The following APOOL variants were observed in gnomAD, a reference collection of about 807,000 sequenced individuals.
APOOL encodes the protein MICOS complex subunit MIC27.
Under a neutral mutation model 23.1 loss-of-function variants are expected in APOOL, and 12 were observed. The ratio of observed to expected loss-of-function variants is 0.52; its 90% CI spans 0.33 to 0.84. APOOL has a LOEUF of 0.84. Among genes scored for constraint, APOOL ranks in the 40% least tolerant of loss-of-function variants. The pLI is 0.02. For missense variants in APOOL, 212 were observed against 199.6 expected, an observed-to-expected ratio of 1.06 and a Z score of -0.37; for synonymous variants, 77 against 69.9, an observed-to-expected ratio of 1.10 and a Z score of -0.51.
chrX:85,085,644 A>G (rs1924263929), intron 8 of APOOL, among the ~76,000 whole-genome samples: 2 of 112,445 alleles, frequency 1.8e-5, no homozygotes, highest in African/African-American at 6.4e-5. Context: ...TGGTTCCCAA[A>G]TGTAATAAAA....
At chrX:85,050,250 A>AT (rs1185684699) in intron 2 of APOOL, among the ~76,000 whole-genome samples, 1 of 111,243 alleles carries the variant, frequency 9.0e-6, no homozygotes, top group Non-Finnish European at 1.9e-5. Context: ...TGTTTTATTT[A>AT]TTTTTTAACT....
At chrX:85,039,679 C>T (rs1349403359) in intron 1 of APOOL, among the ~76,000 whole-genome samples, 2 of 111,078 alleles carry the variant, frequency 1.8e-5, no homozygotes, top group African/African-American at 6.5e-5. Flanking sequence ...CTTTTTTGAT[C>T]ATTGGTTTAA....
intron 1 of APOOL, among the ~76,000 whole-genome samples, chrX:85,026,188 C>T (rs1417444328): frequency 4.4e-5 from 5 of 113,512 alleles, no homozygotes; most frequent in Non-Finnish European, 9.4e-5. Context: ...TTGCATTCTC[C>T]AGAGTGGTAG....
At chrX:85,052,261 T>C (rs1922807322) in intron 3 of APOOL, among the ~76,000 whole-genome samples, 1 of 112,227 alleles carries the variant, frequency 8.9e-6, no homozygotes, top group Non-Finnish European at 1.9e-5. Context: ...CGTTAGCTCA[T>C]AAGACCATTC....
chrX:85,059,175 G>A (rs1923091316), intron 5 of APOOL, among the ~76,000 whole-genome samples: 1 of 108,921 alleles, frequency 9.2e-6, no homozygotes, highest in Non-Finnish European at 1.9e-5. Context: ...ACGGTTTCCA[G>A]TTTCATCCAT....
chrX:85,057,504 CAT>C (rs1175711672), intron 5 of APOOL, among the ~76,000 whole-genome samples: 1 of 104,287 alleles, frequency 9.6e-6, no homozygotes, highest in Non-Finnish European at 1.9e-5. Context: ...AGATATATAA[CAT>C]ATATATAATA....
chrX:85,060,445 A>G (rs2147653048), intron 5 of APOOL, among the ~76,000 whole-genome samples: 1 of 106,756 alleles, frequency 9.4e-6, no homozygotes, highest in African/African-American at 3.4e-5. Context: ...TGGGGATGGC[A>G]TTGAATCTAT....
chrX:85,087,759 G>A lies in APOOL; in HGVS notation c.*81G>A. 2 of 845,801 alleles carry A rather than the reference G, an allele frequency of 2.4e-6. No individual in the cohort carries two copies. Among genetic ancestry groups the A allele is most frequent in the Non-Finnish European group, 3.3e-6 (2 of 607,138 alleles). 69.7% of individuals were successfully genotyped at this position (845,801 alleles called of 1,213,427 possible). ...TAATGATGAAAATAAATCATGTAAT[G>A]GGTAACTGATACATAGAGTATTACC... On this transcript the variant is annotated 3_prime_UTR_variant, in exon 9 of 9. Coordinates refer to ENST00000373173, the MANE Select transcript of APOOL (RefSeq NM_198450.6).
chrX:85,079,882 G>A (rs1275706167), intron 8 of APOOL, among the ~76,000 whole-genome samples: 1 of 111,754 alleles, frequency 8.9e-6, no homozygotes, highest in Non-Finnish European at 1.9e-5. Context: ...TTGCGTAGAG[G>A]TGTTCATAGT....
intron 2 of APOOL, among the ~76,000 whole-genome samples, chrX:85,047,935 A>G (rs766223118): frequency 8.9e-6 from 1 of 111,753 alleles, no homozygotes; most frequent in Non-Finnish European, 1.9e-5. Context: ...ATGTACTACC[A>G]TCAAATAAAT....
chrX:85,064,314 G>GT (rs1364299901), intron 5 of APOOL, among the ~76,000 whole-genome samples: 2 of 86,332 alleles, frequency 2.3e-5, no homozygotes, highest in African/African-American at 4.3e-5. Context: ...GTTGTTTTTT[G>GT]TTTTTTTCAA....
intron 8 of APOOL, among the ~76,000 whole-genome samples, chrX:85,076,866 C>A (rs1923852492): frequency 9.3e-6 from 1 of 107,299 alleles, no homozygotes; most frequent in African/African-American, 3.4e-5. Flanking sequence ...CTTCAAGAAT[C>A]TGATGAAAGC....
At chrX:85,059,345 C>A (rs903076729) in intron 5 of APOOL, among the ~76,000 whole-genome samples, 4 of 109,682 alleles carry the variant, frequency 3.6e-5, no homozygotes, top group African/African-American at 1.3e-4. Flanking sequence ...CATACGTGTG[C>A]ATGTGTCTTT....
At chrX:85,055,990 T>C in intron 5 of APOOL, 65 bp downstream of exon 5, 1 of 832,711 alleles carries the variant, frequency 1.2e-6, no homozygotes, top group Non-Finnish European at 1.7e-6. Context: ...TTTGTGGTCA[T>C]GAGAAAACCT....
chrX:85,048,173 C>G (rs1922638706), intron 2 of APOOL, among the ~76,000 whole-genome samples: 1 of 111,357 alleles, frequency 9.0e-6, no homozygotes, highest in South Asian at 3.8e-4. Flanking sequence ...AAAATATTTT[C>G]TAAGCTCCTC....
At position 85,090,448 on chromosome X, in the gene APOOL, G is replaced by C. The variant is rs1407821262; in HGVS notation, c.*2770G>C. Reference sequence around the variant, plus strand: ...TAACCCATTTGTCTATTATGATATAGTTGTCTTGACAACTATAATGAATAG... The same window carrying C: ...TAACCCATTTGTCTATTATGATATACTTGTCTTGACAACTATAATGAATAG... On this transcript the variant is annotated 3_prime_UTR_variant, in exon 9 of 9. Transcript: ENST00000373173. 2.7e-5 allele frequency: 3 copies of C among 111,200 alleles called. No homozygotes were observed. Among genetic ancestry groups the C allele is most frequent in the African/African-American group, 9.8e-5 (3 of 30,564 alleles). 9.2% of individuals were successfully genotyped at this position (111,200 alleles called of 1,213,427 possible).
chrX:85,064,830 ACT>A (rs1266772586), intron 5 of APOOL, among the ~76,000 whole-genome samples: 1 of 111,758 alleles, frequency 8.9e-6, no homozygotes, highest in Non-Finnish European at 1.9e-5. Context: ...GCCACATGGC[ACT>A]GAGAAAAATG....
intron 1 of APOOL, among the ~76,000 whole-genome samples, chrX:85,018,735 T>G (rs1228245558): frequency 1.8e-5 from 2 of 111,781 alleles, no homozygotes; most frequent in African/African-American, 6.5e-5. Flanking sequence ...TGTTTGCTTC[T>G]TTTTGATAAT....
At chrX:85,034,579 C>G (rs2060083719) in intron 1 of APOOL, among the ~76,000 whole-genome samples, 1 of 111,032 alleles carries the variant, frequency 9.0e-6, no homozygotes, top group African/African-American at 3.3e-5. Flanking sequence ...AGGTAGTGAG[C>G]ATATTACCCA....
Sources: gnomAD v4.1 joint callset for allele counts (sites outside exome capture counted in the v4.1 genomes callset) on GRCh38, gnomAD v4.1.1 for gene constraint, MANE v1.5 for transcripts, NCBI Gene and HGNC (gene_info 2026-07-23, HGNC 2026-07-21) for gene names.